SUMF1: variants seen among roughly 807,000 people sequenced by gnomAD.
SUMF1 encodes the protein sulfatase modifying factor 1.
Under a neutral mutation model 47.6 loss-of-function variants are expected in SUMF1, and 48 were observed. The observed-to-expected ratio is 1.01, with a 90% CI of 0.80 to 1.28. SUMF1 has a LOEUF of 1.28. SUMF1 is among the 50% of genes most tolerant of loss of function. SUMF1 has a pLI of 0.00. For missense variants in SUMF1, 571 were observed against 485.4 expected (o/e 1.18, Z -1.66); for synonymous variants, 230 against 192.1 (o/e 1.20, Z -1.63).
intron 8 of SUMF1, among the ~76,000 whole-genome samples, chr3:4,250,195 G>A (rs1259276413): frequency 6.6e-6 from 1 of 150,640 alleles, no homozygotes; most frequent in Non-Finnish European, 1.5e-5. Flanking sequence ...AAGGGGGAGG[G>A]AGTGAAGGGA....
rs557152561 is a variant in SUMF1, at chr3:4,368,022, A to C, written c.1015-5768T>G. Among the ~76,000 whole-genome samples, 39 of 152,184 alleles carry C rather than the reference A, an allele frequency of 2.6e-4. No individual in the cohort carries two copies. The East Asian group carries it at 5.0e-3, about 20-fold the overall frequency. The stretch of plus-strand genomic sequence containing the variant: ...AAACTAAAGAGCTTCTGCACAGCAA[A>C]AGAAACTACCATCAGAGTGAACAGG... On this transcript the variant is annotated intron_variant, in intron 8 of 8. Coordinates refer to ENST00000272902, the MANE Select transcript of SUMF1 (RefSeq NM_182760.4).
At chr3:4,393,776 A>G (rs1345778892) in intron 7 of SUMF1, among the ~76,000 whole-genome samples, 1 of 152,150 alleles carries the variant, frequency 6.6e-6, no homozygotes, top group Admixed American at 6.5e-5. Flanking sequence ...TCAAGAATCA[A>G]CACTTCTCAA....
chr3:4,079,163 TAAC>T (rs903283361), intron 8 of SUMF1, among the ~76,000 whole-genome samples: 1 of 152,090 alleles, frequency 6.6e-6, no homozygotes, highest in African/African-American at 2.4e-5. Context: ...GCCCAAGAAG[TAAC>T]AACATCCATG....
chr3:4,042,882 AGT>A (rs1176166753), intron 9 of SUMF1, among the ~76,000 whole-genome samples: 2 of 152,106 alleles, frequency 1.3e-5, no homozygotes, highest in African/African-American at 4.8e-5. Context: ...TCCCAAGGCA[AGT>A]CCAGTGCCCT....
intron 8 of SUMF1, among the ~76,000 whole-genome samples, chr3:4,253,555 G>A (rs930982157): frequency 2.0e-5 from 3 of 151,174 alleles, no homozygotes; most frequent in Admixed American, 1.3e-4. Context: ...TTTTCAGACC[G>A]GCTTAAAAAA....
At chr3:4,401,402 A>C (rs950617791) in intron 7 of SUMF1, among the ~76,000 whole-genome samples, 9 of 152,094 alleles carry the variant, frequency 5.9e-5, no homozygotes, top group African/African-American at 2.2e-4. Flanking sequence ...TGTCTTCCAC[A>C]ATGGTTGAAC....
At chr3:4,291,999 G>A (rs890926505) in intron 8 of SUMF1, among the ~76,000 whole-genome samples, 7 of 152,172 alleles carry the variant, frequency 4.6e-5, no homozygotes, top group African/African-American at 1.7e-4. Flanking sequence ...AACTATGTTT[G>A]AGGATCAGCC....
chr3:4,294,495 T>C (rs1435458145), intron 8 of SUMF1, among the ~76,000 whole-genome samples: 1 of 152,170 alleles, frequency 6.6e-6, no homozygotes, highest in African/African-American at 2.4e-5. Flanking sequence ...GGCTGAGAGA[T>C]CGAGGCTGCA....
Position 4,417,998 on chromosome 3 carries a change from T to C in SUMF1, c.725+12A>G. 2 of 1,613,808 alleles carry C rather than the reference T, an allele frequency of 1.2e-6. No individual in the cohort carries two copies. Among genetic ancestry groups the C allele is most frequent in the East Asian group, 4.5e-5 (2 of 44,892 alleles). On this transcript the variant is annotated intron_variant, in intron 5 of 8. Transcript: ENST00000272902. Reference sequence around the variant, plus strand: ...CAACATATTGTCAGGCAAAATGAGATCCTCTAAATACCTATTATGCAGGCC... The same window carrying C: ...CAACATATTGTCAGGCAAAATGAGACCCTCTAAATACCTATTATGCAGGCC...
At chr3:4,308,831 T>C (rs1382054669) in intron 8 of SUMF1, among the ~76,000 whole-genome samples, 1 of 150,940 alleles carries the variant, frequency 6.6e-6, no homozygotes, top group Non-Finnish European at 1.5e-5. Context: ...GACTTGTCTA[T>C]GAAAAGAGTC....
downstream of SUMF1, among the ~76,000 whole-genome samples, chr3:4,357,010 A>G (rs1161694634): frequency 6.6e-6 from 1 of 152,232 alleles, no homozygotes; most frequent in Admixed American, 6.5e-5. Flanking sequence ...GAGTGCAGAT[A>G]AAGATGCTGC....
At chr3:4,219,728 C>A (rs1311563882) in intron 8 of SUMF1, among the ~76,000 whole-genome samples, 2 of 152,132 alleles carry the variant, frequency 1.3e-5, no homozygotes, top group Admixed American at 6.6e-5. Context: ...ATAAGAAATA[C>A]ACTGGGAATA....
chr3:4,265,333 G>A (rs1384550097), intron 8 of SUMF1, among the ~76,000 whole-genome samples: 1 of 151,986 alleles, frequency 6.6e-6, no homozygotes, highest in Non-Finnish European at 1.5e-5. Context: ...CAAACTTGTA[G>A]TCCACATTTT....
At chr3:4,187,256 C>T (rs1008284423) in intron 8 of SUMF1, among the ~76,000 whole-genome samples, 4 of 152,098 alleles carry the variant, frequency 2.6e-5, no homozygotes, top group Non-Finnish European at 5.9e-5. Flanking sequence ...GCAGTCCCAG[C>T]TACTCAGGAG....
At chr3:4,260,205 C>T (rs553239561) in intron 8 of SUMF1, among the ~76,000 whole-genome samples, 1 of 152,176 alleles carries the variant, frequency 6.6e-6, no homozygotes, top group East Asian at 1.9e-4. Context: ...TATGCAAATG[C>T]TCGCACAGGG....
At chr3:4,371,501 G>A (rs574812536) in intron 8 of SUMF1, among the ~76,000 whole-genome samples, 1 of 152,276 alleles carries the variant, frequency 6.6e-6, no homozygotes, top group South Asian at 2.1e-4. Context: ...CATGTTAAAC[G>A]AAATCATTAT....
rs1417109733 is a variant in SUMF1, at chr3:4,161,113, A to G, written c.1015-92368T>C. Among the ~76,000 whole-genome samples the G allele has an allele frequency of 7.2e-5, 11 of 152,308 alleles. No homozygotes were observed. In the South Asian group the frequency reaches 1.7e-3, roughly 23 times the overall value. ...ACCTTGATGGTCTTAGGTAAGATCC[A>G]GAAGTGTTCTGTGGATTACCAGACA... On this transcript the variant is annotated intron_variant and NMD_transcript_variant, in intron 8 of 12. Coordinates refer to the SUMF1 transcript ENST00000448413.
At chr3:4,321,437 A>T (rs1698827487) in intron 8 of SUMF1, among the ~76,000 whole-genome samples, 1 of 142,514 alleles carries the variant, frequency 7.0e-6, no homozygotes, top group Non-Finnish European at 1.5e-5. Flanking sequence ...CTGAGACTGG[A>T]GCATCTTGTA....
intron 8 of SUMF1, among the ~76,000 whole-genome samples, chr3:4,363,090 A>G (rs546031127): frequency 3.9e-4 from 59 of 152,302 alleles, no homozygotes; most frequent in African/African-American, 1.3e-3. Flanking sequence ...TGTTTCCTAT[A>G]TGAAACCTAT....
Sources: allele counts gnomAD v4.1 joint callset (sites outside exome capture counted in the v4.1 genomes callset), GRCh38; gene constraint gnomAD v4.1.1; transcripts MANE v1.5; gene names NCBI Gene and HGNC (gene_info 2026-07-23, HGNC 2026-07-21).